CCDC25: variants seen among roughly 807,000 people sequenced by gnomAD.
The protein encoded by CCDC25 is coiled-coil domain-containing protein 25.
A neutral mutation model predicts 35.3 loss-of-function variants in CCDC25; 16 were observed. The observed-to-expected ratio is 0.45, with a 90% CI of 0.31 to 0.69. The LOEUF (loss-of-function observed/expected upper bound fraction) is 0.69. CCDC25 is among the 30% of genes least tolerant of loss of function. The probability of loss-of-function intolerance (pLI) is 0.06; values close to 1 mark genes in which losing one functional copy is unlikely to be tolerated. For synonymous variants in CCDC25, 79 were observed against 80.3 expected, an observed-to-expected ratio of 0.98 and a Z score of 0.09; for missense variants, 179 against 250.7, an observed-to-expected ratio of 0.71 and a Z score of 1.93.
chr8:27,771,146 C>T (rs1804598186), intron 1 of CCDC25, among the ~76,000 whole-genome samples: 1 of 152,254 alleles, frequency 6.6e-6, no homozygotes, highest in Admixed American at 6.5e-5. Context: ...ACTTTTTCTA[C>T]GTTGAGACCC....
intron 4 of CCDC25, chr8:27,756,333 A>G (rs1192328819): frequency 6.0e-6 from 1 of 165,890 alleles, no homozygotes; most frequent in Non-Finnish European, 1.3e-5. Context: ...AAAGAAGCCC[A>G]TGATAACTGG....
intron 4 of CCDC25, among the ~76,000 whole-genome samples, chr8:27,756,030 C>T (rs1400673685): frequency 6.6e-6 from 1 of 152,178 alleles, no homozygotes; most frequent in Non-Finnish European, 1.5e-5. Context: ...AGGTTAGTTT[C>T]TTTGTCTTGA....
chr8:27,741,476 C>T (rs988055749), intron 7 of CCDC25, among the ~76,000 whole-genome samples: 1 of 152,160 alleles, frequency 6.6e-6, no homozygotes, highest in African/African-American at 2.4e-5. Context: ...GTCAGGGGTT[C>T]GAGAGCAGCC....
intron 4 of CCDC25, chr8:27,754,382 T>C (rs1803922445): frequency 6.6e-6 from 1 of 152,136 alleles, no homozygotes; most frequent in African/African-American, 2.4e-5. Flanking sequence ...GATGTCAAGA[T>C]GGAATGTGGA....
At chr8:27,753,041 T>C (rs1047263249) in intron 4 of CCDC25, 1 of 153,790 alleles carries the variant, frequency 6.5e-6, no homozygotes, top group Non-Finnish European at 1.4e-5. Context: ...TGGTAGGTCA[T>C]CTATCCTCAG....
chr8:27,764,417 T>C (rs1420782146), intron 2 of CCDC25: 4 of 348,588 alleles, frequency 1.1e-5, no homozygotes, highest in Non-Finnish European at 2.2e-5. Flanking sequence ...AACAGGTGTG[T>C]GTCACTATGC....
rs943882831 is a variant in CCDC25 at position 27,736,223 on chromosome 8, A to T, written c.620T>A (p.Phe207Tyr). 3 of 1,609,312 alleles carry T rather than the reference A, an allele frequency of 1.9e-6. No individual in the cohort carries two copies. Among genetic ancestry groups the T allele is most frequent in the Admixed American group, 1.7e-5 (1 of 59,294 alleles). ...SNQDGNDSDE[F>Y]M is the part of the protein sequence containing the mutation. ...TTTTCTCCTTTTCTCCTTTTACATG[A>T]ATTCATCTGAATCATTGCCATCCTG... is the stretch of plus-strand genomic sequence containing the variant. The change falls in exon 9 of 9, where the codon TTC becomes TAC. Residue 207 changes from phenylalanine (F) to tyrosine (Y), a missense_variant. Phe to Tyr is a conservative substitution (Grantham distance 22). Transcript: ENST00000356537.
Position 27,769,912 on chromosome 8 carries a change from C to T in CCDC25, c.28+2601G>A, listed in dbSNP as rs553435384. On this transcript the variant is annotated intron_variant, in intron 1 of 8. Coordinates refer to ENST00000356537, the MANE Select transcript of CCDC25 (RefSeq NM_018246.3). ...ATCCTAGCACTTTGGAAGGCCGAGGCGGGTGGATCACTTGAGGTAAGGAGT... is the reference window on the plus strand; with the variant it reads ...ATCCTAGCACTTTGGAAGGCCGAGGTGGGTGGATCACTTGAGGTAAGGAGT... Among the ~76,000 whole-genome samples the T allele has an allele frequency of 1.3e-4, 20 of 152,324 alleles. 1 individual carries two copies. Among genetic ancestry groups the T allele is most frequent in the African/African-American group, 4.6e-4 (19 of 41,570 alleles).
At chr8:27,767,259 G>A (rs1484038794) in intron 1 of CCDC25, among the ~76,000 whole-genome samples, 1 of 152,168 alleles carries the variant, frequency 6.6e-6, no homozygotes, top group East Asian at 1.9e-4. Flanking sequence ...CCAGCTACTG[G>A]AGAGGCTCAG....
At chr8:27,740,113 TACAGTCACAGTGATAAAGA>T (rs1392952165) in intron 8 of CCDC25, among the ~76,000 whole-genome samples, 2 of 150,176 alleles carry the variant, frequency 1.3e-5, no homozygotes, top group African/African-American at 2.4e-5. Flanking sequence ...ATATGGACTC[TACAGTCACAGTGATAAAGA>T]ACACTAATAA....
chr8:27,747,952 G>T, intron 7 of CCDC25, 125 bp downstream of exon 7: 1 of 918,566 alleles, frequency 1.1e-6, no homozygotes, highest in Admixed American at 2.4e-5. Flanking sequence ...TTAAGGTTGA[G>T]CTTAAGCTGA....
intron 7 of CCDC25, among the ~76,000 whole-genome samples, chr8:27,742,052 G>A (rs146570192): frequency 3.3e-4 from 50 of 152,280 alleles, no homozygotes; most frequent in African/African-American, 1.2e-3. Context: ...AAACAACAAT[G>A]ACATCAAGGT....
chr8:27,772,603 G>T lies in CCDC25; in HGVS notation c.-63C>A. ...GCAGCGCTCAACTCACGAAGCTCAG[G>T]ATACCAGACTCGCGGCGGCCGCCTG... On this transcript the variant is annotated 5_prime_UTR_variant, in exon 1 of 9. Coordinates refer to ENST00000356537, the MANE Select transcript of CCDC25 (RefSeq NM_018246.3). 8 of 1,506,584 alleles carry T rather than the reference G, an allele frequency of 5.3e-6. No homozygotes were observed. The highest frequency in any genetic ancestry group is 7.2e-6 in the Non-Finnish European group (8 of 1,111,110). 93.3% of individuals were successfully genotyped at this position (1,506,584 alleles called of 1,614,324 possible).
At chr8:27,741,370 A>T (rs775054740) in intron 7 of CCDC25, among the ~76,000 whole-genome samples, 2 of 152,192 alleles carry the variant, frequency 1.3e-5, no homozygotes, top group African/African-American at 4.8e-5. Context: ...ATCAATAACT[A>T]TGGTGAAAAG....
In CCDC25 at chr8:27,748,565, G is replaced by A. The variant is rs1444656752; in HGVS notation, c.278C>T (p.Thr93Met). 2 of 1,613,650 alleles carry A rather than the reference G, an allele frequency of 1.2e-6. No individual in the cohort carries two copies. Among genetic ancestry groups the A allele is most frequent in the Non-Finnish European group, 1.7e-6 (2 of 1,179,858 alleles). The change falls in exon 6 of 9, where the codon ACG becomes ATG. Residue 93 changes from threonine to methionine, a missense_variant. Coordinates refer to ENST00000356537, the MANE Select transcript of CCDC25 (RefSeq NM_018246.3). ...CKMNNVNVVY[T>M]PWSNLKKTAD... ...TGTTTTCTTCAGGTTAGACCACGGCGTATATACCACATTAACGTTGTTCAT... is the reference window on the plus strand; with the variant it reads ...TGTTTTCTTCAGGTTAGACCACGGCATATATACCACATTAACGTTGTTCAT...
At chr8:27,762,095 T>G (rs187306898) in intron 3 of CCDC25, among the ~76,000 whole-genome samples, 1 of 152,294 alleles carries the variant, frequency 6.6e-6, no homozygotes, top group East Asian at 1.9e-4. Flanking sequence ...TTGCTTCATG[T>G]GAAGTCTTCA....
chr8:27,747,932 A>G (rs1231395704), intron 7 of CCDC25, 145 bp downstream of exon 7: 3 of 766,942 alleles, frequency 3.9e-6, no homozygotes, highest in Non-Finnish European at 6.3e-6. Context: ...CCTTTTTTTA[A>G]AAAACTGATT....
intron 1 of CCDC25, among the ~76,000 whole-genome samples, chr8:27,769,658 CAG>C (rs1179118439): frequency 6.6e-6 from 1 of 152,086 alleles, no homozygotes; most frequent in Non-Finnish European, 1.5e-5. Flanking sequence ...TGTACAGAGA[CAG>C]AGAAATAGCT....
intron 4 of CCDC25, among the ~76,000 whole-genome samples, chr8:27,755,801 G>A (rs1803982617): frequency 1.3e-5 from 2 of 152,140 alleles, no homozygotes; most frequent in East Asian, 3.8e-4. Context: ...TGCAAACTGA[G>A]CAATAGTCTA....
Sources: gnomAD v4.1 joint callset for allele counts (sites outside exome capture counted in the v4.1 genomes callset) on GRCh38, gnomAD v4.1.1 for gene constraint, MANE v1.5 for transcripts, NCBI Gene and HGNC (gene_info 2026-07-23, HGNC 2026-07-21) for gene names.